TLCD4: variants seen among roughly 807,000 people sequenced by gnomAD.
The protein encoded by TLCD4 is TLC domain containing 4.
In TLCD4, 7 loss-of-function variants were observed where a neutral mutation model predicts 24.2. That is an observed-to-expected ratio of 0.29 (90% CI 0.16 to 0.54). The LOEUF is 0.54. Among genes scored for constraint, TLCD4 ranks in the 20% least tolerant of loss-of-function variants. The pLI, the probability that TLCD4 is intolerant of heterozygous loss-of-function variation, is 0.95. For synonymous variants in TLCD4, 103 were observed against 106.4 expected (o/e 0.97, Z 0.20); for missense variants, 259 against 313.9 (o/e 0.82, Z 1.32).
the TLCD4 span, among the ~76,000 whole-genome samples, chr1:95,101,017 C>T: frequency 9.9e-5 from 15 of 151,856 alleles, no homozygotes; most frequent in African/African-American, 3.6e-4. Context: ...AAGTGATTCT[C>T]CTGCCTCAGC....
rs1211198961 is a variant in TLCD4 at position 95,191,948 on chromosome 1, A to T, written c.*80A>T. 6.7e-7 allele frequency: 1 copy of T among 1,499,156 alleles called. No homozygotes were observed. The highest frequency in any genetic ancestry group is 8.8e-7 in the Non-Finnish European group (1 of 1,131,814). The allele number at this position is 1,499,156 out of a possible 1,614,324, so 92.9% of individuals were successfully genotyped here. On this transcript the variant is annotated 3_prime_UTR_variant, in exon 7 of 7. Coordinates refer to ENST00000370203, the MANE Select transcript of TLCD4 (RefSeq NM_152487.3). ...ATGAATTCTTGGCATGTTCTTGTGT[A>T]CCTTTCTTAATTATAATTGTTATTC...
chr1:95,118,864 A>G (rs77085350), intron 1 of TLCD4, among the ~76,000 whole-genome samples: 6,109 of 152,176 alleles, frequency 0.04, 172 homozygotes, highest in Middle Eastern at 0.068. Flanking sequence ...TGGGTGAAGA[A>G]CCATGGATTT....
At chr1:95,172,005 T>G (rs993026779) in intron 5 of TLCD4, among the ~76,000 whole-genome samples, 1 of 152,144 alleles carries the variant, frequency 6.6e-6, no homozygotes, top group Non-Finnish European at 1.5e-5. Context: ...ACGTGGAGAC[T>G]GGAGTTAGGC....
intron 5 of TLCD4, chr1:95,163,931 GTTA>G (rs1185581778): frequency 2.0e-5 from 3 of 152,352 alleles, no homozygotes; most frequent in African/African-American, 7.2e-5. Context: ...GTGCCTACCA[GTTA>G]GGCTACTCAG....
intron 5 of TLCD4, among the ~76,000 whole-genome samples, chr1:95,172,774 C>T (rs986720135): frequency 9.2e-5 from 14 of 152,166 alleles, no homozygotes; most frequent in Middle Eastern, 6.8e-3. Flanking sequence ...ATTTGGAAGG[C>T]AGCATGGTAT....
rs1460016611 is a variant in TLCD4 at position 95,174,066 on chromosome 1, C to T, written c.473+177C>T. 7 of 888,318 alleles carry T rather than the reference C, an allele frequency of 7.9e-6. No individual in the cohort carries two copies. The African/African-American group carries it at 1.0e-4, about 13-fold the overall frequency. The allele number at this position is 888,318 out of a possible 1,614,324, so 55.0% of individuals were successfully genotyped here. On this transcript the variant is annotated intron_variant, in intron 6 of 6. Transcript: ENST00000370203. ...TTTTGGAAAGGTTAGAGTAACTTAC[C>T]CAAGTTTCCCTAGCTAGCAAGTGGT...
intron 1 of TLCD4, chr1:95,125,693 A>G (rs1476591289): frequency 1.3e-5 from 2 of 152,188 alleles, no homozygotes; most frequent in African/African-American, 2.4e-5. Context: ...TTGGCCACCA[A>G]ATTATCCGGT....
chr1:95,124,773 T>C (rs2100905464), intron 1 of TLCD4, among the ~76,000 whole-genome samples: 1 of 152,280 alleles, frequency 6.6e-6, no homozygotes, highest in East Asian at 1.9e-4. Flanking sequence ...CCTGTAACTT[T>C]TGAAATCAGA....
chr1:95,124,332 C>G (rs761200523), intron 1 of TLCD4, among the ~76,000 whole-genome samples: 2 of 152,182 alleles, frequency 1.3e-5, no homozygotes, highest in Admixed American at 1.3e-4. Flanking sequence ...TGATCTATAA[C>G]AAGCTTCAGG....
chr1:95,146,852 T>C (rs1205183421), intron 2 of TLCD4, among the ~76,000 whole-genome samples: 5 of 152,134 alleles, frequency 3.3e-5, no homozygotes, highest in Non-Finnish European at 1.5e-5. Context: ...GCTTTCCATT[T>C]ACCACATAAC....
chr1:95,092,901 G>T, the TLCD4 span, among the ~76,000 whole-genome samples: 1 of 152,160 alleles, frequency 6.6e-6, no homozygotes, highest in African/African-American at 2.4e-5. Context: ...ACCATGCCCA[G>T]CTACTTTTTG....
intron 1 of TLCD4, among the ~76,000 whole-genome samples, chr1:95,124,860 A>C (rs530616864): frequency 6.6e-6 from 1 of 152,248 alleles, no homozygotes; most frequent in South Asian, 2.1e-4. Context: ...TAAAAAAAAA[A>C]CAAAACAACA....
At chr1:95,181,139 A>G (rs1358793269) in intron 6 of TLCD4, among the ~76,000 whole-genome samples, 2 of 152,160 alleles carry the variant, frequency 1.3e-5, no homozygotes, top group Non-Finnish European at 2.9e-5. Flanking sequence ...TATTAACAGT[A>G]ATGTTCCATG....
chr1:95,100,160 T>A, the TLCD4 span, among the ~76,000 whole-genome samples: 1 of 151,854 alleles, frequency 6.6e-6, no homozygotes, highest in Non-Finnish European at 1.5e-5. Flanking sequence ...TTCACAAACG[T>A]AAAAAAATCT....
intron 5 of TLCD4, among the ~76,000 whole-genome samples, chr1:95,154,833 G>A: frequency 6.7e-6 from 1 of 148,450 alleles, no homozygotes; most frequent in Non-Finnish European, 1.5e-5. Context: ...CCATTAATAG[G>A]TAATAGACTG....
At chr1:95,130,721 G>T (rs1480276929) in intron 1 of TLCD4, among the ~76,000 whole-genome samples, 1 of 152,134 alleles carries the variant, frequency 6.6e-6, no homozygotes, top group Non-Finnish European at 1.5e-5. Flanking sequence ...TAGGACTACT[G>T]GTGGTGGTAA....
upstream of TLCD4, among the ~76,000 whole-genome samples, chr1:95,113,187 C>T (rs538846344): frequency 2.1e-4 from 32 of 151,798 alleles, no homozygotes; most frequent in South Asian, 5.0e-3. Context: ...GGATTACAGG[C>T]GTGCGCCACT....
chr1:95,096,834 C>T, the TLCD4 span, among the ~76,000 whole-genome samples: 1 of 152,240 alleles, frequency 6.6e-6, no homozygotes, highest in Non-Finnish European at 1.5e-5. Context: ...CACCTCCCCT[C>T]ACACCATGTG....
At position 95,191,661 on chromosome 1, in the gene TLCD4, T is replaced by G. The variant is rs776754869; in HGVS notation, c.585T>G (p.His195Gln). The G allele has an allele frequency of 6.2e-7, 1 of 1,614,214 alleles. No individual in the cohort carries two copies. Among genetic ancestry groups the G allele is most frequent in the Admixed American group, 1.7e-5 (1 of 60,024 alleles). Residue 195 changes from histidine (H) to glutamine (Q), a missense_variant, in exon 7 of 7, where the codon CAT becomes CAG. Transcript: ENST00000370203. Reference sequence around the variant, plus strand: ...TGCGGATTGCCTCAATGCTTCCTCATTATGGCTTCATGTATTCCGTGTATG... The same window carrying G: ...TGCGGATTGCCTCAATGCTTCCTCAGTATGGCTTCATGTATTCCGTGTATG... Reference protein sequence around the residue: ...FIVRIASMLPHYGFMYSVYGT... With the variant: ...FIVRIASMLPQYGFMYSVYGT...
Sources: gnomAD v4.1 joint callset for allele counts (sites outside exome capture counted in the v4.1 genomes callset) on GRCh38, gnomAD v4.1.1 for gene constraint, MANE v1.5 for transcripts, NCBI Gene and HGNC (gene_info 2026-07-23, HGNC 2026-07-21) for gene names.